Variants in CCDC88A observed in about 807,000 individuals in gnomAD.
CCDC88A encodes the protein girdin.
A neutral mutation model predicts 234.3 loss-of-function variants in CCDC88A; 54 were observed. The observed-to-expected ratio is 0.23, with a 90% confidence interval of 0.19 to 0.29. The LOEUF is 0.29. CCDC88A is among the 10% of genes least tolerant of loss of function. CCDC88A has a pLI of 1.00. For synonymous variants in CCDC88A, 753 were observed against 737.8 expected (o/e 1.02, Z -0.33); for missense variants, 1,832 against 2,123.4 (o/e 0.86, Z 2.70).
chr2:55,374,887 TA>T lies in CCDC88A; in HGVS notation c.274-5del. 8.2e-6 allele frequency: 13 copies of T among 1,591,810 alleles called. No homozygotes were observed. The highest frequency in any genetic ancestry group is 2.2e-5 in the South Asian group (2 of 89,712). On this transcript the variant is annotated splice_region_variant and splice_polypyrimidine_tract_variant and intron_variant, in intron 3 of 32. Coordinates refer to ENST00000436346, the MANE Select transcript of CCDC88A (RefSeq NM_001365480.1). ...TGATCAATTGCTGCAAAGTCTCCTG[TA>T]AAAAAATATCCAACACTTGTTATAT... is the stretch of plus-strand genomic sequence containing the variant.
At chr2:55,359,280 C>A (rs79887654) in intron 7 of CCDC88A, among the ~76,000 whole-genome samples, 1 of 152,052 alleles carries the variant, frequency 6.6e-6, no homozygotes, top group East Asian at 1.9e-4. Flanking sequence ...AAGACAGATA[C>A]TACATTTGAA....
intron 12 of CCDC88A, among the ~76,000 whole-genome samples, chr2:55,340,469 C>G (rs1216787797): frequency 2.0e-5 from 3 of 152,160 alleles, no homozygotes; most frequent in East Asian, 1.9e-4. Context: ...ATTTTTATTT[C>G]CAGCTTTTCT....
At chr2:55,404,688 T>C (rs1679256987) in intron 2 of CCDC88A, 1 of 152,218 alleles carries the variant, frequency 6.6e-6, no homozygotes, top group Non-Finnish European at 1.5e-5. Flanking sequence ...GGTCTACAAA[T>C]GGTCCATGAG....
chr2:55,402,623 T>C (rs1224743587), intron 2 of CCDC88A, among the ~76,000 whole-genome samples: 1 of 152,110 alleles, frequency 6.6e-6, no homozygotes, highest in Non-Finnish European at 1.5e-5. Context: ...ATGCATAACT[T>C]CTTAACATCG....
At chr2:55,382,666 A>G (rs1169316514) in intron 3 of CCDC88A, among the ~76,000 whole-genome samples, 1 of 152,184 alleles carries the variant, frequency 6.6e-6, no homozygotes, top group Non-Finnish European at 1.5e-5. Flanking sequence ...TTATTTTCTG[A>G]CTTGAAAACT....
chr2:55,379,649 T>C (rs780729101), intron 3 of CCDC88A, among the ~76,000 whole-genome samples: 11 of 152,170 alleles, frequency 7.2e-5, no homozygotes, highest in African/African-American at 1.4e-4. Flanking sequence ...GCAGAGGGGC[T>C]GGGCACAGCA....
intron 18 of CCDC88A, among the ~76,000 whole-genome samples, 175 bp from the exon 19 acceptor site, chr2:55,319,179 AAC>A (rs1683317725): frequency 6.6e-6 from 1 of 152,126 alleles, no homozygotes. Flanking sequence ...CCAAATTGTA[AAC>A]AGACATTTAT....
intron 7 of CCDC88A, chr2:55,362,052 T>C: frequency 3.5e-6 from 1 of 288,690 alleles, no homozygotes; most frequent in Non-Finnish European, 6.3e-6. Flanking sequence ...TGGGGATGAC[T>C]TGAAAAACAC....
chr2:55,382,068 AAAAGG>A (rs1327474848), intron 3 of CCDC88A, among the ~76,000 whole-genome samples: 2 of 152,226 alleles, frequency 1.3e-5, no homozygotes, highest in African/African-American at 4.8e-5. Context: ...CAATGGCATT[AAAAGG>A]AAAGAATACC....
intron 10 of CCDC88A, among the ~76,000 whole-genome samples, chr2:55,344,962 T>A (rs1488831945): frequency 2.6e-5 from 4 of 152,186 alleles, no homozygotes; most frequent in East Asian, 1.9e-4. Context: ...AGAACTCACA[T>A]AAATCATAAA....
In CCDC88A at chr2:55,401,434, C is replaced by CAAAAA. The variant is rs1174693653; in HGVS notation, c.165-12553_165-12549dup. On this transcript the variant is annotated intron_variant, in intron 2 of 32. Transcript: ENST00000436346. ...GGATGACAGAGAAAGACTCTGTCTC[C>CAAAAA]AAAAAAAAAAAAAATATATATATAT... 6.2e-3 allele frequency among the ~76,000 whole-genome samples: 285 copies of CAAAAA among 45,798 alleles called. 39 individuals carry two copies. Among genetic ancestry groups the CAAAAA allele is most frequent in the African/African-American group, 0.019 (231 of 12,040 alleles). 30.0% of individuals were successfully genotyped at this position (45,798 alleles called of 152,430 possible).
At chr2:55,386,540 C>T (rs74181227) in intron 3 of CCDC88A, among the ~76,000 whole-genome samples, 45,793 of 151,250 alleles carry the variant, frequency 0.3, 7,330 homozygotes, top group East Asian at 0.54. Context: ...AGCATGATCT[C>T]GGCTCACTGC....
Position 55,339,373 on chromosome 2 carries a change from G to A in CCDC88A, c.1518+91C>T, listed in dbSNP as rs528929657. 54 of 1,119,558 alleles carry A rather than the reference G, an allele frequency of 4.8e-5. No individual in the cohort carries two copies. In the East Asian group the frequency reaches 5.6e-4, roughly 12 times the overall value. The allele number at this position is 1,119,558 out of a possible 1,614,324, so 69.4% of individuals were successfully genotyped here. On this transcript the variant is annotated intron_variant, in intron 13 of 32. Transcript: ENST00000436346. ...ATAACAAGTTAAAATAACATTGAGC[G>A]TGCATTTAAAAAGTGGAAAATAAAT... is the stretch of plus-strand genomic sequence containing the variant.
intron 12 of CCDC88A, among the ~76,000 whole-genome samples, chr2:55,343,198 T>C (rs1668717261): frequency 6.6e-6 from 1 of 152,118 alleles, no homozygotes; most frequent in African/African-American, 2.4e-5. Context: ...ATATTACAAG[T>C]AGTCATGAAG....
At chr2:55,409,663 C>A (rs1464973975) in intron 2 of CCDC88A, among the ~76,000 whole-genome samples, 1 of 152,004 alleles carries the variant, frequency 6.6e-6, no homozygotes. Context: ...GAGTCCAACT[C>A]CGGCCCTCCT....
intron 5 of CCDC88A, among the ~76,000 whole-genome samples, chr2:55,365,320 G>C (rs1038656012): frequency 4.6e-5 from 7 of 151,966 alleles, no homozygotes; most frequent in Admixed American, 2.0e-4. Flanking sequence ...TAAATTCATA[G>C]CATATATAAC....
intron 11 of CCDC88A, chr2:55,344,018 C>G (rs1419799157): frequency 1.9e-5 from 8 of 414,468 alleles, no homozygotes; most frequent in Non-Finnish European, 3.4e-5. Context: ...GAAAATTCTT[C>G]TTCATAGTCA....
At chr2:55,405,924 C>T (rs6714932) in intron 2 of CCDC88A, 1 of 152,118 alleles carries the variant, frequency 6.6e-6, no homozygotes, top group Non-Finnish European at 1.5e-5. Flanking sequence ...CTTTGTGAGG[C>T]TGAGGCGGTT....
At chr2:55,372,309 G>C (rs1175605256) in intron 5 of CCDC88A, 143 bp downstream of exon 5, 13 of 491,152 alleles carry the variant, frequency 2.6e-5, no homozygotes, top group Non-Finnish European at 4.1e-5. Flanking sequence ...AATCTCCTTA[G>C]GAGGTTATAC....
Sources: gnomAD v4.1 joint callset for allele counts (sites outside exome capture counted in the v4.1 genomes callset) on GRCh38, gnomAD v4.1.1 for gene constraint, MANE v1.5 for transcripts, NCBI Gene and HGNC (gene_info 2026-07-23, HGNC 2026-07-21) for gene names.